Variants in NET1 observed in about 807,000 individuals in gnomAD.
NET1 encodes the protein neuroepithelial cell-transforming gene 1 protein.
NET1 carries 42 observed loss-of-function variants against 61.1 expected under a neutral mutation model. That is an observed-to-expected ratio of 0.69 (90% CI 0.54 to 0.89). NET1 has a LOEUF of 0.89. NET1 is among the 40% of genes least tolerant of loss of function. The pLI, the probability that NET1 is intolerant of heterozygous loss-of-function variation, is 0.00. For missense variants in NET1, 654 were observed against 747.3 expected, an observed-to-expected ratio of 0.88 and a Z score of 1.46; for synonymous variants, 254 against 281.8, an observed-to-expected ratio of 0.90 and a Z score of 0.99.
chr10:5,430,196 T>TTTG (rs1832326151), intron 3 of NET1, among the ~76,000 whole-genome samples: 1 of 152,168 alleles, frequency 6.6e-6, no homozygotes, highest in Admixed American at 6.5e-5. Context: ...TATTTTTAGG[T>TTTG]ATGTTTCAAA....
In NET1 at chr10:5,439,894, C is replaced by T. The variant is rs1354080341; in HGVS notation, c.255+10665C>T. On this transcript the variant is annotated intron_variant, in intron 3 of 11. Transcript: ENST00000355029. This position sits in a 1 kb window ranked among gnomAD's most constrained non-coding sequence, Gnocchi z 4.8. The stretch of plus-strand genomic sequence containing the variant: ...CTGTTGCTCTGGGACCTACTCAAAA[C>T]TATCACAGCAACATTCCCAAATATA... Among the ~76,000 whole-genome samples the T allele has an allele frequency of 6.6e-6, 1 of 152,232 alleles. No individual in the cohort carries two copies. The highest frequency in any genetic ancestry group is 1.5e-5 in the Non-Finnish European group (1 of 68,034).
At position 5,451,608 on chromosome 10, in the gene NET1, G is replaced by T. The variant is rs908348082; in HGVS notation, c.256-222G>T. Among the ~76,000 whole-genome samples the T allele has an allele frequency of 2.0e-5, 3 of 151,684 alleles. No homozygotes were observed. Among genetic ancestry groups the T allele is most frequent in the African/African-American group, 7.3e-5 (3 of 41,290 alleles). ...TGAATTTTAATTTTTTCCCCTATTG[G>T]AAATATTTGACTGGCCTTTCTTACA... On this transcript the variant is annotated intron_variant, in intron 3 of 11. Transcript: ENST00000355029. This position sits in a 1 kb window ranked among gnomAD's most constrained non-coding sequence, Gnocchi z 6.1.
Position 5,451,946 on chromosome 10 carries a change from A to T in NET1, c.363+9A>T. ...TTGGTCAAACAATACAGGTAAAAAG[A>T]GAGGAGGAAGAGTAATGTAGTCAGC... On this transcript the variant is annotated intron_variant, in intron 4 of 11. Coordinates refer to ENST00000355029, the MANE Select transcript of NET1 (RefSeq NM_001047160.3). The surrounding 1 kb of genome is among the most constrained non-coding windows in gnomAD (Gnocchi z 6.1). 6.3e-7 allele frequency: 1 copy of T among 1,594,392 alleles called. No homozygotes were observed. Among genetic ancestry groups the T allele is most frequent in the Non-Finnish European group, 8.6e-7 (1 of 1,162,804 alleles).
intron 3 of NET1, among the ~76,000 whole-genome samples, chr10:5,433,114 A>G (rs552466250): frequency 6.6e-6 from 1 of 152,178 alleles, no homozygotes; most frequent in South Asian, 2.1e-4. Context: ...TCCCATTTTT[A>G]AAAATAGTTT....
rs1051636229 is a variant in NET1 at position 5,430,972 on chromosome 10, C to T, written c.255+1743C>T. 1.2e-4 allele frequency among the ~76,000 whole-genome samples: 18 copies of T among 149,910 alleles called. 1 individual carries two copies. The highest frequency in any genetic ancestry group is 8.6e-4 in the Admixed American group (13 of 15,098). On this transcript the variant is annotated intron_variant, in intron 3 of 11. Coordinates refer to ENST00000355029, the MANE Select transcript of NET1 (RefSeq NM_001047160.3). ...CTGCAAGCTCCGCCTCCCGGGTTCA[C>T]ACCATTCTCCTGCCTCAGCCTCCCA...
Position 5,456,930 on chromosome 10 carries a change from C to T in NET1, c.1727C>T (p.Pro576Leu), listed in dbSNP as rs778422389. 3.7e-6 allele frequency: 6 copies of T among 1,608,736 alleles called. No homozygotes were observed. Among genetic ancestry groups the T allele is most frequent in the Non-Finnish European group, 5.1e-6 (6 of 1,177,352 alleles). The part of the protein sequence containing the change: ...SKSLKTHQTQ[P>L]GIRRARDKAL... ...AGCTTAAAGACACACCAGACACAGC[C>T]CGGCATCCGAAGAGCGAGGGACAAA... The change falls in exon 12 of 12, where the codon CCC becomes CTC. Residue 576 changes from proline to leucine, a missense_variant. By Grantham distance (98) the Pro-to-Leu change is moderately conservative. Coordinates refer to ENST00000355029, the MANE Select transcript of NET1 (RefSeq NM_001047160.3). The surrounding 1 kb of genome is among the most constrained non-coding windows in gnomAD (Gnocchi z 7.0).
At position 5,456,049 on chromosome 10, in the gene NET1, C is replaced by T. The variant is rs1385281200; in HGVS notation, c.1198-38C>T. 1 of 1,568,732 alleles carries T rather than the reference C, an allele frequency of 6.4e-7. No homozygotes were observed. The highest frequency in any genetic ancestry group is 8.7e-7 in the Non-Finnish European group (1 of 1,151,892). ...AATATATTTCAGTCACTTAAAAACA[C>T]AAGTTTCCTATTTAGCGTTTGTTTC... On this transcript the variant is annotated intron_variant, in intron 10 of 11. Transcript: ENST00000355029. The surrounding 1 kb of genome is among the most constrained non-coding windows in gnomAD (Gnocchi z 7.0).
intron 3 of NET1, among the ~76,000 whole-genome samples, chr10:5,430,835 T>C (rs1832337413): frequency 6.6e-6 from 1 of 151,678 alleles, no homozygotes; most frequent in African/African-American, 2.4e-5. Flanking sequence ...TGCCTGTTTG[T>C]AGTCCAAATA....
At chr10:5,436,969 T>A (rs1445336910) in intron 3 of NET1, among the ~76,000 whole-genome samples, 1 of 152,218 alleles carries the variant, frequency 6.6e-6, no homozygotes, top group Non-Finnish European at 1.5e-5. Flanking sequence ...ATGGTGTTCT[T>A]GGCCAAAAAT....
chr10:5,426,600 C>T lies in NET1; in HGVS notation c.129-55C>T, dbSNP rs948879809. 2 of 1,341,284 alleles carry T rather than the reference C, an allele frequency of 1.5e-6. No individual in the cohort carries two copies. The highest frequency in any genetic ancestry group is 2.1e-6 in the Non-Finnish European group (2 of 948,746). 83.1% of individuals were successfully genotyped at this position (1,341,284 alleles called of 1,614,324 possible). ...AGTATAGCTTTTTATCTGTTTGATG[C>T]TCTATTATGCTAAAGTCAATCTCTT... On this transcript the variant is annotated intron_variant, in intron 1 of 11. Transcript: ENST00000355029. This position sits in a 1 kb window ranked among gnomAD's most constrained non-coding sequence, Gnocchi z 4.6.
At chr10:5,434,417 C>T (rs1832393951) in intron 3 of NET1, among the ~76,000 whole-genome samples, 1 of 152,126 alleles carries the variant, frequency 6.6e-6, no homozygotes, top group Non-Finnish European at 1.5e-5. Context: ...ATTTGCATGG[C>T]ATTGTTCTTG....
In NET1 at chr10:5,435,581, A is replaced by G. The variant is rs576787668; in HGVS notation, c.255+6352A>G. 6.6e-6 allele frequency among the ~76,000 whole-genome samples: 1 copy of G among 152,194 alleles called. No individual in the cohort carries two copies. The highest frequency in any genetic ancestry group is 2.4e-5 in the African/African-American group (1 of 41,526). ...GATAGATAAAATAGATACTCCGTAA[A>G]TATTGAATTAATGAATGAAATATTA... is the stretch of plus-strand genomic sequence containing the variant. On this transcript the variant is annotated intron_variant, in intron 3 of 11. Coordinates refer to ENST00000355029, the MANE Select transcript of NET1 (RefSeq NM_001047160.3). The surrounding 1 kb of genome is among the most constrained non-coding windows in gnomAD (Gnocchi z 5.0).
intron 3 of NET1, among the ~76,000 whole-genome samples, chr10:5,434,544 C>T (rs7091575): frequency 0.5 from 75,656 of 151,878 alleles, 21,563 homozygotes; most frequent in Admixed American, 0.64. Flanking sequence ...TTCCCAGGGC[C>T]ATCAGAAAAA....
At position 5,412,823 on chromosome 10, in the gene NET1, GA is replaced by G; in HGVS notation, c.128+4del. On this transcript the variant is annotated splice_donor_region_variant and intron_variant, in intron 1 of 11. Transcript: ENST00000355029. The surrounding 1 kb of genome is among the most constrained non-coding windows in gnomAD (Gnocchi z 6.5). The stretch of plus-strand genomic sequence containing the variant: ...TCCGGGTCGGAGCTGGACGGGAGGT[GA>G]GTGTGGGGGAGGGGAGGGCCGAACG... 1 of 1,400,966 alleles carries G rather than the reference GA, an allele frequency of 7.1e-7. No individual in the cohort carries two copies. Among genetic ancestry groups the G allele is most frequent in the Non-Finnish European group, 9.3e-7 (1 of 1,081,014 alleles). 86.8% of individuals were successfully genotyped at this position (1,400,966 alleles called of 1,614,324 possible).
chr10:5,413,144 C>T (rs537141002), intron 1 of NET1, among the ~76,000 whole-genome samples: 2 of 152,234 alleles, frequency 1.3e-5, no homozygotes, highest in South Asian at 2.1e-4. Flanking sequence ...GCGATTTTCC[C>T]TGCCTGTGGC....
At chr10:5,425,081 AACT>A (rs1832238812) in intron 1 of NET1, among the ~76,000 whole-genome samples, 4 of 152,208 alleles carry the variant, frequency 2.6e-5, no homozygotes, top group Admixed American at 1.3e-4. Context: ...AAATGTGAGG[AACT>A]ACTTGCAGTT....
In NET1 at chr10:5,443,461, C is replaced by T. The variant is rs887614608; in HGVS notation, c.256-8369C>T. Among the ~76,000 whole-genome samples the T allele has an allele frequency of 6.6e-6, 1 of 152,110 alleles. No individual in the cohort carries two copies. Among genetic ancestry groups the T allele is most frequent in the Non-Finnish European group, 1.5e-5 (1 of 68,018 alleles). On this transcript the variant is annotated intron_variant, in intron 3 of 11. Transcript: ENST00000355029. This position sits in a 1 kb window ranked among gnomAD's most constrained non-coding sequence, Gnocchi z 4.8. Reference sequence around the variant, plus strand: ...CTTAAATTTTTCTTCTATTTTTCACCACCACCCATTAAGTTTCCTTATGAG... The same window carrying T: ...CTTAAATTTTTCTTCTATTTTTCACTACCACCCATTAAGTTTCCTTATGAG...
At position 5,429,455 on chromosome 10, in the gene NET1, A is replaced by G. The variant is rs565041601; in HGVS notation, c.255+226A>G. On this transcript the variant is annotated intron_variant, in intron 3 of 11. Transcript: ENST00000355029. ...GAAACCACTCTCAAAATGTTAGGCT[A>G]TAACTACTGATCACAAACACAAATG... Among the ~76,000 whole-genome samples the G allele has an allele frequency of 2.6e-5, 4 of 152,318 alleles. No homozygotes were observed. In the East Asian group the frequency reaches 5.8e-4, roughly 22 times the overall value.
chr10:5,451,771 T>G lies in NET1; in HGVS notation c.256-59T>G. On this transcript the variant is annotated intron_variant, in intron 3 of 11. Coordinates refer to ENST00000355029, the MANE Select transcript of NET1 (RefSeq NM_001047160.3). This position sits in a 1 kb window ranked among gnomAD's most constrained non-coding sequence, Gnocchi z 6.1. ...GTGAGAGGGCTTTACTTTGTCCAAG[T>G]TTGTATGAAATCATTGCACCTAGAC... The G allele has an allele frequency of 7.3e-7, 1 of 1,373,558 alleles. No homozygotes were observed. The highest frequency in any genetic ancestry group is 1.2e-5 in the South Asian group (1 of 80,334). The allele number at this position is 1,373,558 out of a possible 1,614,324, so 85.1% of individuals were successfully genotyped here.
Sources: allele counts gnomAD v4.1 joint callset (sites outside exome capture counted in the v4.1 genomes callset), GRCh38; gene constraint gnomAD v4.1.1; non-coding constraint Gnocchi (gnomAD v3.1); transcripts MANE v1.5; gene names NCBI Gene and HGNC (gene_info 2026-07-23, HGNC 2026-07-21).